FANCE: variants seen among roughly 807,000 people sequenced by gnomAD.
FANCE encodes FA complementation group E, also known as Fanconi anemia group E protein.
FANCE carries 42 observed loss-of-function variants against 57.8 expected under a neutral mutation model. The ratio of observed to expected loss-of-function variants is 0.73; its 90% CI spans 0.57 to 0.94. The LOEUF is 0.94. Ranked by LOEUF, FANCE falls within the 40% of genes least tolerant of loss-of-function variation. The probability of loss-of-function intolerance (pLI) is 0.00; values close to 1 mark genes in which losing one functional copy is unlikely to be tolerated. For missense variants in FANCE, 608 were observed against 661.8 expected (o/e 0.92, Z 0.89); for synonymous variants, 251 against 286.4 (o/e 0.88, Z 1.25).
rs1465905154 is a variant in FANCE at position 35,452,357 on chromosome 6, CG to C, written c.-186del. 8 of 534,238 alleles carry C rather than the reference CG, an allele frequency of 1.5e-5. No homozygotes were observed. The highest frequency in any genetic ancestry group is 2.0e-5 in the African/African-American group (1 of 50,282). The allele number at this position is 534,238 out of a possible 1,614,324, so 33.1% of individuals were successfully genotyped here. On this transcript the variant is annotated 5_prime_UTR_variant, in exon 1 of 10. Coordinates refer to ENST00000229769, the MANE Select transcript of FANCE (RefSeq NM_021922.3). ...CTCCCTCCTTCCCTTTCCGACAGCG[CG>C]GGAACGGCTGCGGCTTCGGGCGGCC...
At chr6:35,464,889 C>T (rs1159771271) in intron 9 of FANCE, among the ~76,000 whole-genome samples, 2 of 151,024 alleles carry the variant, frequency 1.3e-5, no homozygotes, top group East Asian at 4.0e-4. Context: ...CCTGCCAGCA[C>T]GCATGGCTAA....
At chr6:35,453,162 G>A (rs1177732315) in intron 1 of FANCE, among the ~76,000 whole-genome samples, 2 of 152,186 alleles carry the variant, frequency 1.3e-5, no homozygotes, top group African/African-American at 4.8e-5. Flanking sequence ...ACGTGATGGT[G>A]GAATACGTAT....
At chr6:35,454,279 C>G (rs1190574567) in intron 1 of FANCE, among the ~76,000 whole-genome samples, 1 of 152,130 alleles carries the variant, frequency 6.6e-6, no homozygotes, top group Non-Finnish European at 1.5e-5. Flanking sequence ...CTGGGCTGGT[C>G]TGGAACTCCT....
Position 35,466,522 on chromosome 6 carries a change from C to A in FANCE, c.*177C>A. 1 of 643,142 alleles carries A rather than the reference C, an allele frequency of 1.6e-6. No homozygotes were observed. Among genetic ancestry groups the A allele is most frequent in the Non-Finnish European group, 2.8e-6 (1 of 353,950 alleles). The allele number at this position is 643,142 out of a possible 1,614,324, so 39.8% of individuals were successfully genotyped here. ...TAGGGAATATTGGCTTCCCAGCCAG[C>A]AGGGAGGCTCCTGGGCTAAGGGAGC... On this transcript the variant is annotated 3_prime_UTR_variant, in exon 10 of 10. Coordinates refer to ENST00000229769, the MANE Select transcript of FANCE (RefSeq NM_021922.3).
chr6:35,461,711 G>A (rs1261398773), intron 8 of FANCE, among the ~76,000 whole-genome samples: 3 of 147,580 alleles, frequency 2.0e-5, no homozygotes, highest in Non-Finnish European at 4.5e-5. Flanking sequence ...GCAGTGGTGC[G>A]ATCTCAGCTC....
In FANCE at chr6:35,452,567, C is replaced by G; in HGVS notation, c.22C>G (p.Leu8Val). The G allele has an allele frequency of 5.3e-6, 7 of 1,329,568 alleles. No homozygotes were observed. The highest frequency in any genetic ancestry group is 6.8e-6 in the Non-Finnish European group (7 of 1,035,342). 82.4% of individuals were successfully genotyped at this position (1,329,568 alleles called of 1,614,324 possible). A position where few individuals can be genotyped will look rare whatever the true frequency, so the allele number is the denominator to read the frequency against. MATPDAG[L>V]PGAEGVEPAP... is the part of the protein sequence containing the mutation. ...CGGCATGGCGACACCGGACGCGGGG[C>G]TCCCTGGGGCTGAGGGCGTGGAGCC... Residue 8 changes from leucine (L) to valine (V), a missense_variant, in exon 1 of 10, where the codon CTC (leucine) becomes GTC (valine). Coordinates refer to ENST00000229769, the MANE Select transcript of FANCE (RefSeq NM_021922.3).
chr6:35,459,797 C>A (rs1239609035), intron 7 of FANCE, 37 bp downstream of exon 7: 1 of 1,573,332 alleles, frequency 6.4e-7, no homozygotes, highest in South Asian at 1.1e-5. Flanking sequence ...CCCACTGCCA[C>A]CTGTTCCCCC....
At chr6:35,453,283 A>T (rs45484291) in intron 1 of FANCE, among the ~76,000 whole-genome samples, 1,686 of 152,274 alleles carry the variant, frequency 0.011, 15 homozygotes, top group Middle Eastern at 0.044. Flanking sequence ...AGTGTTCTTG[A>T]TAATTTCTGG....
At position 35,462,189 on chromosome 6, in the gene FANCE, C is replaced by T. The variant is rs983335667; in HGVS notation, c.1384-600C>T. Among the ~76,000 whole-genome samples the T allele has an allele frequency of 1.4e-4, 22 of 151,836 alleles. No individual in the cohort carries two copies. The East Asian group carries it at 4.3e-3, about 30-fold the overall frequency. The stretch of plus-strand genomic sequence containing the variant: ...GTGGCATAATCTCGGCTCACTGCAA[C>T]CTCTACCTCCTGGGTTCAAGTGATT... On this transcript the variant is annotated intron_variant, in intron 8 of 9. Coordinates refer to ENST00000229769, the MANE Select transcript of FANCE (RefSeq NM_021922.3).
At position 35,455,895 on chromosome 6, in the gene FANCE, C is replaced by T. The variant is rs759124595; in HGVS notation, c.397C>T (p.Leu133Phe). The change falls in exon 2 of 10, where the codon CTC becomes TTC. Residue 133 changes from leucine to phenylalanine, a missense_variant. By Grantham distance (22) the Leu-to-Phe change is conservative (BLOSUM62 0). Transcript: ENST00000229769. Reference protein sequence around the residue: ...QDLAPDPDAWLRALGELLRRD... With the variant: ...QDLAPDPDAWFRALGELLRRD... ...CCTAGCCCCTGACCCAGATGCCTGG[C>T]TCCGTGCCCTGGGGGAATTGCTGCG... 4.8e-5 allele frequency: 77 copies of T among 1,614,046 alleles called. No individual in the cohort carries two copies. The Admixed American group carries it at 7.3e-4, about 15-fold the overall frequency.
At chr6:35,455,018 T>C (rs1202719753) in intron 1 of FANCE, among the ~76,000 whole-genome samples, 1 of 152,272 alleles carries the variant, frequency 6.6e-6, no homozygotes, top group African/African-American at 2.4e-5. Flanking sequence ...GCTGGACAGA[T>C]GACTGACCCC....
At chr6:35,462,696 G>T (rs2050658326) in intron 8 of FANCE, 93 bp from the exon 9 acceptor site, 1 of 1,563,642 alleles carries the variant, frequency 6.4e-7, no homozygotes, top group Admixed American at 1.8e-5. Context: ...ACCTAGCTAG[G>T]AAGTGGTGGA....
rs1767855076 is a variant in FANCE, at chr6:35,466,741, T to G, written c.*396T>G. Reference sequence around the variant, plus strand: ...CACTATGCCCAGCTAATTTTTTATTTTGTAGATAATATGCTGGTCAGGGCT... The same window carrying G: ...CACTATGCCCAGCTAATTTTTTATTGTGTAGATAATATGCTGGTCAGGGCT... On this transcript the variant is annotated 3_prime_UTR_variant, in exon 10 of 10. Coordinates refer to ENST00000229769, the MANE Select transcript of FANCE (RefSeq NM_021922.3). The G allele has an allele frequency of 2.8e-6, 1 of 363,114 alleles. No individual in the cohort carries two copies. Among genetic ancestry groups the G allele is most frequent in the Non-Finnish European group, 5.2e-6 (1 of 193,834 alleles). 22.5% of individuals were successfully genotyped at this position (363,114 alleles called of 1,614,324 possible). A position where few individuals can be genotyped will look rare whatever the true frequency, so the allele number is the denominator to read the frequency against.
Position 35,456,124 on chromosome 6 carries a change from C to T in FANCE, c.626C>T (p.Ala209Val), listed in dbSNP as rs2150891227. The change falls in exon 2 of 10, where the codon GCC becomes GTC. Residue 209 changes from alanine (A) to valine (V), a missense_variant. Ala to Val is a moderately conservative substitution (Grantham distance 64, BLOSUM62 0). Coordinates refer to ENST00000229769, the MANE Select transcript of FANCE (RefSeq NM_021922.3). This position sits in a 1 kb window ranked among gnomAD's most constrained non-coding sequence, Gnocchi z 4.3. ...AGAAAGGACTCAGAGGAAGAGGCTG[C>T]CAGTCCTGAGGGGAAGAGGGTCCCC... ...KRRKDSEEEA[A>V]SPEGKRVPKR... 1 of 1,613,972 alleles carries T rather than the reference C, an allele frequency of 6.2e-7. No individual in the cohort carries two copies. Among genetic ancestry groups the T allele is most frequent in the Non-Finnish European group, 8.5e-7 (1 of 1,179,968 alleles).
chr6:35,464,728 C>CTTTTTTT (rs59541412), intron 9 of FANCE, among the ~76,000 whole-genome samples: 2 of 107,822 alleles, frequency 1.9e-5, no homozygotes, highest in Non-Finnish European at 3.6e-5. Context: ...GAGAGATATT[C>CTTTTTTT]TTTTTTTTTT....
In FANCE at chr6:35,456,399, G is replaced by A; in HGVS notation, c.855+46G>A. 1 of 1,613,862 alleles carries A rather than the reference G, an allele frequency of 6.2e-7. No homozygotes were observed. Among genetic ancestry groups the A allele is most frequent in the Non-Finnish European group, 8.5e-7 (1 of 1,179,818 alleles). Reference sequence around the variant, plus strand: ...GGTTTAGAGTGATCTTTCAGCAGTGGTGGCTTTATCCATGGGGAAGGCTGC... The same window carrying A: ...GGTTTAGAGTGATCTTTCAGCAGTGATGGCTTTATCCATGGGGAAGGCTGC... On this transcript the variant is annotated intron_variant, in intron 2 of 9. Coordinates refer to ENST00000229769, the MANE Select transcript of FANCE (RefSeq NM_021922.3). This position sits in a 1 kb window ranked among gnomAD's most constrained non-coding sequence, Gnocchi z 4.3.
rs1767313493 is a variant in FANCE at position 35,455,931 on chromosome 6, G to T, written c.433G>T (p.Gly145Trp). 1 of 1,614,114 alleles carries T rather than the reference G, an allele frequency of 6.2e-7. No individual in the cohort carries two copies. The highest frequency in any genetic ancestry group is 8.5e-7 in the Non-Finnish European group (1 of 1,180,014). Reference sequence around the variant, plus strand: ...GGGGGAATTGCTGCGAAGGGATTTGGGGGTGGGGACCTCCATGGAGGGAGC... The same window carrying T: ...GGGGGAATTGCTGCGAAGGGATTTGTGGGTGGGGACCTCCATGGAGGGAGC... ...ALGELLRRDLGVGTSMEGASP... is the reference protein window; with the variant it reads ...ALGELLRRDLWVGTSMEGASP... The change falls in exon 2 of 10, where the codon GGG (glycine) becomes TGG (tryptophan). Residue 145 changes from glycine to tryptophan, a missense_variant. Coordinates refer to ENST00000229769, the MANE Select transcript of FANCE (RefSeq NM_021922.3).
At position 35,460,626 on chromosome 6, in the gene FANCE, G is replaced by C. The variant is rs1227155742; in HGVS notation, c.1383+8G>C. 11 of 1,612,908 alleles carry C rather than the reference G, an allele frequency of 6.8e-6. No individual in the cohort carries two copies. The highest frequency in any genetic ancestry group is 1.3e-5 in the African/African-American group (1 of 74,922). The stretch of plus-strand genomic sequence containing the variant: ...TCACTCCTAGAGCGGCAGGTGAGCA[G>C]GCTGCCCTGGGGAAGAGTGGACAAA... On this transcript the variant is annotated splice_region_variant and intron_variant, in intron 8 of 9. Transcript: ENST00000229769.
rs140698585 is a variant in FANCE at position 35,460,966 on chromosome 6, C to T, written c.1383+348C>T. 5.8e-4 allele frequency among the ~76,000 whole-genome samples: 88 copies of T among 152,026 alleles called. 1 individual carries two copies. The East Asian group carries it at 0.012, about 20-fold the overall frequency. ...TAGAGTCTGGCTTTGTTGCCCAGGCCGAAGTGCAGTGGCACAATCTTGGCT... is the reference window on the plus strand; with the variant it reads ...TAGAGTCTGGCTTTGTTGCCCAGGCTGAAGTGCAGTGGCACAATCTTGGCT... On this transcript the variant is annotated intron_variant, in intron 8 of 9. Transcript: ENST00000229769.
Sources: gnomAD v4.1 joint callset for allele counts (sites outside exome capture counted in the v4.1 genomes callset) on GRCh38, gnomAD v4.1.1 for gene constraint, Gnocchi (gnomAD v3.1) non-coding constraint, MANE v1.5 for transcripts, NCBI Gene and HGNC (gene_info 2026-07-23, HGNC 2026-07-21) for gene names.